ADAM10: variants seen among roughly 807,000 people sequenced by gnomAD.
ADAM10 encodes disintegrin and metalloproteinase domain-containing protein 10.
In ADAM10, 17 loss-of-function variants were observed where a neutral mutation model predicts 90.1. The ratio of observed to expected loss-of-function variants is 0.19; its 90% CI spans 0.13 to 0.28. ADAM10 has a LOEUF of 0.28. ADAM10 is among the 10% of genes least tolerant of loss of function. The pLI, the probability that ADAM10 is intolerant of heterozygous loss-of-function variation, is 1.00. For synonymous variants in ADAM10, 310 were observed against 298.6 expected (o/e 1.04, Z -0.40); for missense variants, 610 against 914.3 (o/e 0.67, Z 4.29).
intron 14 of ADAM10, among the ~76,000 whole-genome samples, chr15:58,602,370 C>T (rs988567542): frequency 5.3e-5 from 8 of 152,082 alleles, no homozygotes; most frequent in East Asian, 3.9e-4. Context: ...ACATCCCATG[C>T]CAGTCACTCC....
intron 2 of ADAM10, among the ~76,000 whole-genome samples, chr15:58,713,422 T>C (rs142845719): frequency 3.1e-4 from 47 of 152,240 alleles, no homozygotes; most frequent in African/African-American, 1.1e-3. Context: ...TCACTCAATA[T>C]AACTAAAATG....
chr15:58,720,697 G>C (rs531540427), intron 1 of ADAM10, among the ~76,000 whole-genome samples: 1 of 152,002 alleles, frequency 6.6e-6, no homozygotes, highest in African/African-American at 2.4e-5. Context: ...CACCACGCCC[G>C]GCCTAGCATG....
intron 2 of ADAM10, among the ~76,000 whole-genome samples, chr15:58,694,877 G>A (rs1176418498): frequency 6.6e-6 from 1 of 152,156 alleles, no homozygotes; most frequent in South Asian, 2.1e-4. Context: ...AAGCAAATCA[G>A]TAGTTGCCTA....
At chr15:58,688,908 A>T (rs1333360084) in intron 2 of ADAM10, among the ~76,000 whole-genome samples, 70 of 144,118 alleles carry the variant, frequency 4.9e-4, no homozygotes, top group African/African-American at 1.8e-3. Context: ...TAAAGAGTTT[A>T]AAAAAAAAAA....
At chr15:58,700,822 A>G (rs1567002101) in intron 2 of ADAM10, among the ~76,000 whole-genome samples, 1 of 151,866 alleles carries the variant, frequency 6.6e-6, no homozygotes, top group Non-Finnish European at 1.5e-5. Context: ...CGAGACCAGC[A>G]TGAGCAACAT....
At chr15:58,641,033 C>G in intron 7 of ADAM10, 73 bp from the exon 8 acceptor site, 1 of 1,355,128 alleles carries the variant, frequency 7.4e-7, no homozygotes, top group Non-Finnish European at 1.0e-6. Flanking sequence ...TGCTCACCTT[C>G]TTCTGCGTAC....
chr15:58,609,517 T>TACATACATACACACACACAC (rs1566965778), intron 14 of ADAM10: 1 of 151,388 alleles, frequency 6.6e-6, no homozygotes, highest in Non-Finnish European at 1.5e-5. Context: ...AACACACACA[T>TACATACATACACACACACAC]ACATACATAC....
chr15:58,667,767 T>G (rs1206809596), intron 4 of ADAM10, among the ~76,000 whole-genome samples: 1 of 151,996 alleles, frequency 6.6e-6, no homozygotes, highest in Admixed American at 6.6e-5. Context: ...GGCTTTTTTT[T>G]TTTTCTTTTG....
At chr15:58,635,366 G>A (rs1454250109) in intron 8 of ADAM10, among the ~76,000 whole-genome samples, 2 of 151,560 alleles carry the variant, frequency 1.3e-5, no homozygotes, top group Non-Finnish European at 2.9e-5. Context: ...CTCAGGTGAT[G>A]TATATGCACA....
chr15:58,647,276 T>TTTTTTTTTTTTTTC (rs1896576259), intron 5 of ADAM10, among the ~76,000 whole-genome samples: 1 of 115,316 alleles, frequency 8.7e-6, no homozygotes, highest in Non-Finnish European at 1.7e-5. Context: ...TTTTTTTTTT[T>TTTTTTTTTTTTTTC]TTGAGACAGA....
Position 58,640,913 on chromosome 15 carries a change from G to A in ADAM10, c.876C>T (p.Phe292=). Residue 292 remains phenylalanine, a synonymous_variant, in exon 8 of 16, where the codon TTC becomes TTT. Coordinates refer to ENST00000260408, the MANE Select transcript of ADAM10 (RefSeq NM_001110.4). ...DEKDPTNPFR[F]PNIGVEKFLE... ...GAAACTTCTCCACACCAATATTTGG[G>A]AAACGGAAAGGATTTGTAGGGTCCT... The A allele has an allele frequency of 1.2e-6, 2 of 1,614,096 alleles. No homozygotes were observed. Among genetic ancestry groups the A allele is most frequent in the Non-Finnish European group, 1.7e-6 (2 of 1,180,004 alleles).
At chr15:58,720,519 G>C (rs1262506424) in intron 1 of ADAM10, among the ~76,000 whole-genome samples, 2 of 151,748 alleles carry the variant, frequency 1.3e-5, no homozygotes, top group Non-Finnish European at 2.9e-5. Flanking sequence ...TCCCGCCTCA[G>C]CCTCCCGAGT....
intron 11 of ADAM10, among the ~76,000 whole-genome samples, chr15:58,619,459 G>T (rs939715717): frequency 6.6e-6 from 1 of 152,114 alleles, no homozygotes; most frequent in Admixed American, 6.5e-5. Flanking sequence ...TTTCAAAATA[G>T]AAGATTTAAA....
chr15:58,736,951 G>T (rs1030296612), intron 1 of ADAM10, among the ~76,000 whole-genome samples: 24 of 150,748 alleles, frequency 1.6e-4, no homozygotes, highest in African/African-American at 4.6e-4. Context: ...CCCATCTCTA[G>T]TTTTTTTTTA....
intron 2 of ADAM10, among the ~76,000 whole-genome samples, chr15:58,698,990 C>T (rs1397965894): frequency 5.3e-5 from 8 of 152,166 alleles, no homozygotes; most frequent in Admixed American, 1.3e-4. Flanking sequence ...TGCCAAGGCA[C>T]ATTATAGTCA....
Position 58,594,982 on chromosome 15 carries a change from T to C in ADAM10, c.*2565A>G, listed in dbSNP as rs545394043. 2.6e-5 allele frequency: 4 copies of C among 152,300 alleles called. No individual in the cohort carries two copies. Among genetic ancestry groups the C allele is most frequent in the African/African-American group, 7.2e-5 (3 of 41,580 alleles). The allele number at this position is 152,300 out of a possible 1,614,324, so 9.4% of individuals were successfully genotyped here. ...ATTCCTTTTCTAGGTAACACTGAAA[T>C]GTCAATTCTCTCCTTATTTGCTATG... is the stretch of plus-strand genomic sequence containing the variant. On this transcript the variant is annotated 3_prime_UTR_variant, in exon 16 of 16. Coordinates refer to ENST00000260408, the MANE Select transcript of ADAM10 (RefSeq NM_001110.4).
At chr15:58,603,812 G>A (rs1018287362) in intron 14 of ADAM10, among the ~76,000 whole-genome samples, 2 of 142,964 alleles carry the variant, frequency 1.4e-5, no homozygotes, top group African/African-American at 5.2e-5. Context: ...TATCCTTACA[G>A]TGGTATAGAC....
At chr15:58,716,930 G>A (rs1349818590) in intron 2 of ADAM10, among the ~76,000 whole-genome samples, 11 of 152,074 alleles carry the variant, frequency 7.2e-5, no homozygotes, top group Admixed American at 3.3e-4. Context: ...GCCAGGTCTC[G>A]GTAAAATCAG....
At chr15:58,631,449 C>T (rs1418643083) in intron 9 of ADAM10, among the ~76,000 whole-genome samples, 1 of 152,112 alleles carries the variant, frequency 6.6e-6, no homozygotes, top group African/African-American at 2.4e-5. Context: ...AAAGAGATTA[C>T]ACAAGAAGTG....
Sources: allele counts gnomAD v4.1 joint callset (sites outside exome capture counted in the v4.1 genomes callset), GRCh38; gene constraint gnomAD v4.1.1; transcripts MANE v1.5; gene names NCBI Gene and HGNC (gene_info 2026-07-23, HGNC 2026-07-21).